The following MYO18B variants were observed in gnomAD, a reference collection of about 807,000 sequenced individuals.
MYO18B encodes unconventional myosin-XVIIIb.
A neutral mutation model predicts 273.0 loss-of-function variants in MYO18B; 204 were observed. The ratio of observed to expected loss-of-function variants is 0.75; its 90% confidence interval spans 0.67 to 0.84. The LOEUF (loss-of-function observed/expected upper bound fraction) is 0.84, where lower values mean the gene tolerates loss of function less well. Ranked by LOEUF, MYO18B falls within the 40% of genes least tolerant of loss-of-function variation. MYO18B has a pLI of 0.00. For missense variants in MYO18B, 3,212 were observed against 3,287.6 expected, an observed-to-expected ratio of 0.98 and a Z score of 0.56; for synonymous variants, 1,330 against 1,305.7, an observed-to-expected ratio of 1.02 and a Z score of -0.40.
the MYO18B span, among the ~76,000 whole-genome samples, chr22:26,063,805 C>T: frequency 6.6e-6 from 1 of 152,162 alleles, no homozygotes; most frequent in African/African-American, 2.4e-5. Flanking sequence ...GGGTTAAGAA[C>T]TAAAAATAGT....
chr22:25,952,415 A>T lies in MYO18B; in HGVS notation c.5962A>T (p.Arg1988Ter). The change falls in exon 38 of 44, where the codon AGA (arginine) becomes TGA (stop). Residue 1988 changes from arginine to a stop codon, truncating the protein, a stop_gained. Transcript: ENST00000335473. LOFTEE classifies it high-confidence loss of function. The part of the protein sequence containing the change: ...KTEFQKVQIK[R>*]FEVLVIRLRD... ...AGAGTTCCAGAAGGTGCAGATTAAG[A>T]GATTTGAGGTACGTAGTGATTCATA... 1 of 1,613,120 alleles carries T rather than the reference A, an allele frequency of 6.2e-7. No individual in the cohort carries two copies. The highest frequency in any genetic ancestry group is 8.5e-7 in the Non-Finnish European group (1 of 1,179,656).
At chr22:25,840,221 C>T (rs1289278922) in intron 17 of MYO18B, among the ~76,000 whole-genome samples, 1 of 152,194 alleles carries the variant, frequency 6.6e-6, no homozygotes, top group African/African-American at 2.4e-5. Flanking sequence ...CATAACAAGG[C>T]CATATGTGCA....
At chr22:25,862,638 A>G (rs920479330) in intron 21 of MYO18B, among the ~76,000 whole-genome samples, 1 of 152,194 alleles carries the variant, frequency 6.6e-6, no homozygotes, top group Non-Finnish European at 1.5e-5. Flanking sequence ...CAGCACTTCT[A>G]ACATGTAATC....
intron 3 of MYO18B, 85 bp from the exon 4 acceptor site, chr22:25,768,030 G>T (rs1450154831): frequency 1.9e-5 from 24 of 1,235,204 alleles, no homozygotes; most frequent in Non-Finnish European, 2.5e-5. Flanking sequence ...AGTGAACAAT[G>T]AAATGAATGA....
intron 42 of MYO18B, among the ~76,000 whole-genome samples, chr22:26,007,900 C>T (rs1934564099): frequency 6.6e-6 from 1 of 152,180 alleles, no homozygotes; most frequent in African/African-American, 2.4e-5. Flanking sequence ...CAGTCTTAAG[C>T]TTCCTTCTCA....
chr22:26,056,061 G>C, the MYO18B span, among the ~76,000 whole-genome samples: 7 of 152,076 alleles, frequency 4.6e-5, no homozygotes, highest in African/African-American at 1.7e-4. Flanking sequence ...ATTTATTACA[G>C]AATTTTAAAG....
At chr22:26,040,792 G>A in the MYO18B span, among the ~76,000 whole-genome samples, 1 of 152,166 alleles carries the variant, frequency 6.6e-6, no homozygotes, top group South Asian at 2.1e-4. Flanking sequence ...TATGGTTGGA[G>A]TAGGGTGATC....
At chr22:25,822,632 C>T (rs534873903) in intron 12 of MYO18B, among the ~76,000 whole-genome samples, 48 of 152,092 alleles carry the variant, frequency 3.2e-4, no homozygotes, top group Non-Finnish European at 5.1e-4. Flanking sequence ...TGTAGCAGGA[C>T]GAGTCACAGA....
At chr22:25,977,087 G>A (rs983553115) in intron 39 of MYO18B, among the ~76,000 whole-genome samples, 2 of 152,152 alleles carry the variant, frequency 1.3e-5, no homozygotes, top group Non-Finnish European at 2.9e-5. Context: ...CCGACTGTAG[G>A]ATGTACTCAT....
At chr22:25,843,013 A>G (rs556141779) in intron 17 of MYO18B, among the ~76,000 whole-genome samples, 15 of 152,280 alleles carry the variant, frequency 9.9e-5, no homozygotes, top group African/African-American at 3.1e-4. Flanking sequence ...TTTTACATAC[A>G]TTATCTCCTT....
At chr22:26,023,398 G>C (rs757112411) in intron 42 of MYO18B, among the ~76,000 whole-genome samples, 3 of 152,210 alleles carry the variant, frequency 2.0e-5, no homozygotes, top group Middle Eastern at 3.4e-3. Context: ...TGTCAGTTCA[G>C]ACTTGTGGTC....
chr22:26,025,792 T>C (rs941246064), intron 42 of MYO18B, among the ~76,000 whole-genome samples: 1 of 152,226 alleles, frequency 6.6e-6, no homozygotes, highest in Non-Finnish European at 1.5e-5. Context: ...CAAAGTGTTT[T>C]TGGCGCTGCT....
intron 13 of MYO18B, 73 bp downstream of exon 13, chr22:25,823,751 T>C (rs1221774543): frequency 1.1e-5 from 17 of 1,485,018 alleles, no homozygotes; most frequent in African/African-American, 1.4e-5. Flanking sequence ...ACCAGCATTC[T>C]TTAACTTTTT....
intron 38 of MYO18B, among the ~76,000 whole-genome samples, chr22:25,954,162 C>G (rs1048896916): frequency 2.6e-5 from 4 of 152,120 alleles, no homozygotes; most frequent in Non-Finnish European, 5.9e-5. Context: ...CTAATGAATT[C>G]TGCAGAACAG....
At chr22:25,997,317 A>AAAC (rs1698623422) in intron 40 of MYO18B, among the ~76,000 whole-genome samples, 6 of 150,324 alleles carry the variant, frequency 4.0e-5, no homozygotes, top group Non-Finnish European at 7.4e-5. Context: ...AAAAAAAAAA[A>AAAC]AAAAAAAAAA....
chr22:25,759,215 A>C (rs1235882442), intron 1 of MYO18B, among the ~76,000 whole-genome samples: 2 of 152,250 alleles, frequency 1.3e-5, no homozygotes, highest in Non-Finnish European at 2.9e-5. Context: ...TCATACTACT[A>C]TAAAGACATA....
chr22:26,027,624 G>C lies in MYO18B; in HGVS notation c.7650G>C (p.Thr2550=). ...RTSPERREPG[T]GRKDDDVASI... is the part of the protein sequence containing the mutation. ...CCCCCGAGCGGAGAGAGCCAGGGAC[G>C]GGGAGGAAAGACGACGATGTTGCGA... Residue 2550 remains threonine (T), a synonymous_variant, in exon 43 of 44, where the codon ACG becomes ACC. Coordinates refer to ENST00000335473, the MANE Select transcript of MYO18B (RefSeq NM_032608.7). This position sits in a 1 kb window ranked among gnomAD's most constrained non-coding sequence, Gnocchi z 4.1. 2.5e-6 allele frequency: 4 copies of C among 1,613,776 alleles called. No individual in the cohort carries two copies. Among genetic ancestry groups the C allele is most frequent in the Non-Finnish European group, 3.4e-6 (4 of 1,179,820 alleles).
rs4822666 is a variant in MYO18B, at chr22:25,877,867, A to C, written c.4225-92A>C. The C allele has an allele frequency of 0.46, 418,294 of 919,100 alleles. 97,304 individuals are homozygous for C. Among genetic ancestry groups the C allele is most frequent in the Admixed American group, 0.62 (27,102 of 43,776 alleles). The allele number at this position is 919,100 out of a possible 1,614,324, so 56.9% of individuals were successfully genotyped here. ...AGATTGCTAAGGTTTATTCCTCCTA[A>C]CGGAAACTTTGTGCCGTTTGCTCAC... is the stretch of plus-strand genomic sequence containing the variant. On this transcript the variant is annotated intron_variant, in intron 24 of 43. Coordinates refer to ENST00000335473, the MANE Select transcript of MYO18B (RefSeq NM_032608.7).
At chr22:25,810,412 T>TC (rs2088692630) in intron 12 of MYO18B, among the ~76,000 whole-genome samples, 1 of 148,816 alleles carries the variant, frequency 6.7e-6, no homozygotes. Context: ...TCAGGCTTTT[T>TC]TTTTTTTTTA....
Sources: gnomAD v4.1 joint callset for allele counts (sites outside exome capture counted in the v4.1 genomes callset) on GRCh38, gnomAD v4.1.1 for gene constraint, Gnocchi (gnomAD v3.1) non-coding constraint, MANE v1.5 for transcripts, NCBI Gene and HGNC (gene_info 2026-07-23, HGNC 2026-07-21) for gene names.